The following TPM3 variants were observed in gnomAD, a reference collection of about 807,000 sequenced individuals.
TPM3 encodes the protein tropomyosin alpha-3 chain.
Under a neutral mutation model 43.1 loss-of-function variants are expected in TPM3, and 16 were observed. The ratio of observed to expected loss-of-function variants is 0.37; its 90% CI spans 0.25 to 0.56. TPM3 has a LOEUF of 0.56. Ranked by LOEUF, TPM3 falls within the 20% of genes least tolerant of loss-of-function variation. TPM3 has a pLI of 0.77. For synonymous variants in TPM3, 101 were observed against 116.9 expected, an observed-to-expected ratio of 0.86 and a Z score of 0.88; for missense variants, 176 against 337.2, an observed-to-expected ratio of 0.52 and a Z score of 3.74.
At chr1:154,173,935 G>A (rs1379447999) in intron 3 of TPM3, among the ~76,000 whole-genome samples, 1 of 151,534 alleles carries the variant, frequency 6.6e-6, no homozygotes, top group African/African-American at 2.4e-5. Context: ...AGCCAAGATC[G>A]CACTGCTGCA....
intron 9 of TPM3, among the ~76,000 whole-genome samples, 163 bp from the exon 10 acceptor site, chr1:154,168,103 T>C (rs1163564349): frequency 6.6e-6 from 1 of 152,112 alleles, no homozygotes; most frequent in Non-Finnish European, 1.5e-5. Context: ...TCAGGGTTAG[T>C]GGGAAAGATA....
chr1:154,175,916 G>A (rs571506180), intron 3 of TPM3, among the ~76,000 whole-genome samples, 199 bp downstream of exon 3: 3 of 152,268 alleles, frequency 2.0e-5, no homozygotes, highest in South Asian at 2.1e-4. Flanking sequence ...GTGCAGTGGC[G>A]CAATCAGAGC....
intron 7 of TPM3, 24 bp downstream of exon 7, chr1:154,170,625 G>C (rs1429201656): frequency 1.2e-6 from 2 of 1,610,426 alleles, no homozygotes; most frequent in Non-Finnish European, 1.7e-6. Flanking sequence ...TTTGGGTTCT[G>C]CCCTATAAAT....
At chr1:154,182,594 C>G (rs1047778761) in intron 2 of TPM3, among the ~76,000 whole-genome samples, 1 of 152,110 alleles carries the variant, frequency 6.6e-6, no homozygotes, top group Non-Finnish European at 1.5e-5. Flanking sequence ...CCCACTCTTA[C>G]CCCTTGGGCA....
At position 154,167,385 on chromosome 1, in the gene TPM3, G is replaced by A; in HGVS notation, c.*552C>T. The A allele has an allele frequency of 9.4e-7, 1 of 1,063,152 alleles. No individual in the cohort carries two copies. The highest frequency in any genetic ancestry group is 1.1e-6 in the Non-Finnish European group (1 of 877,650). The allele number at this position is 1,063,152 out of a possible 1,614,324, so 65.9% of individuals were successfully genotyped here. A position where few individuals can be genotyped will look rare whatever the true frequency, so the allele number is the denominator to read the frequency against. Reference sequence around the variant, plus strand: ...TAAAAGGGTACAGAATGTGTATTGAGAGTCACTTCAATGGCTTCTCAATGA... The same window carrying A: ...TAAAAGGGTACAGAATGTGTATTGAAAGTCACTTCAATGGCTTCTCAATGA... On this transcript the variant is annotated 3_prime_UTR_variant, in exon 10 of 10. Transcript: ENST00000651641.
At position 154,167,609 on chromosome 1, in the gene TPM3, A is replaced by G; in HGVS notation, c.*328T>C. 8.2e-7 allele frequency: 1 copy of G among 1,222,940 alleles called. No individual in the cohort carries two copies. The highest frequency in any genetic ancestry group is 1.0e-6 in the Non-Finnish European group (1 of 971,546). 75.8% of individuals were successfully genotyped at this position (1,222,940 alleles called of 1,614,324 possible). On this transcript the variant is annotated 3_prime_UTR_variant, in exon 10 of 10. Coordinates refer to ENST00000651641, the MANE Select transcript of TPM3 (RefSeq NM_152263.4). The stretch of plus-strand genomic sequence containing the variant: ...GTTTAAATGTCAAGAAAAAATAGAC[A>G]CACACAAAAGTGGCTTTGATTACAT...
chr1:154,165,447 T>C lies in TPM3; in HGVS notation c.*2490A>G, dbSNP rs1660834983. Among the ~76,000 whole-genome samples, 1 of 151,978 alleles carries C rather than the reference T, an allele frequency of 6.6e-6. No homozygotes were observed. Among genetic ancestry groups the C allele is most frequent in the East Asian group, 1.9e-4 (1 of 5,142 alleles). On this transcript the variant is annotated 3_prime_UTR_variant, in exon 10 of 10. Coordinates refer to ENST00000651641, the MANE Select transcript of TPM3 (RefSeq NM_152263.4). ...TATTCACTATCCCACAACCCAACTCTGCTTGTCAAAAATCCACTTTTGGAA... is the reference window on the plus strand; with the variant it reads ...TATTCACTATCCCACAACCCAACTCCGCTTGTCAAAAATCCACTTTTGGAA...
rs1442038258 is a variant in TPM3, at chr1:154,174,399, T to TAC, written c.378-1199_378-1198insGT. On this transcript the variant is annotated intron_variant, in intron 3 of 9. Coordinates refer to ENST00000651641, the MANE Select transcript of TPM3 (RefSeq NM_152263.4). ...ATATATATATATATATATATATATA[T>TAC]ATATATATACACACAAAAATCCCAT... 1.3e-4 allele frequency among the ~76,000 whole-genome samples: 15 copies of TAC among 114,440 alleles called. 1 individual carries two copies. Among genetic ancestry groups the TAC allele is most frequent in the South Asian group, 5.6e-4 (2 of 3,546 alleles). The allele number at this position is 114,440 out of a possible 152,430, so 75.1% of individuals were successfully genotyped here. A position where few individuals can be genotyped will look rare whatever the true frequency, so the allele number is the denominator to read the frequency against.
At chr1:154,159,097 AGAG>A (rs748152527), downstream of TPM3, 27 of 778,180 alleles carry the variant, frequency 3.5e-5, no homozygotes, top group African/African-American at 8.5e-5. Context: ...GAGAGGAAAA[AGAG>A]GAGGAGAAAG....
At chr1:154,178,050 T>A (rs1307720746) in intron 2 of TPM3, 1 of 754,880 alleles carries the variant, frequency 1.3e-6, no homozygotes, top group Non-Finnish European at 1.6e-6. Context: ...AACAAGGCCA[T>A]GGATCAAGAG....
In TPM3 at chr1:154,162,384, A is replaced by C. The variant is rs971862292; in HGVS notation, c.*5553T>G. ...CGTCTCAAAAAAAAAAAAAAAAAAA[A>C]ACACAAACCAACCCCATGGAGTTGG... On this transcript the variant is annotated 3_prime_UTR_variant, in exon 10 of 10. Coordinates refer to ENST00000651641, the MANE Select transcript of TPM3 (RefSeq NM_152263.4). Among the ~76,000 whole-genome samples the C allele has an allele frequency of 2.0e-4, 29 of 148,538 alleles. No homozygotes were observed. The highest frequency in any genetic ancestry group is 6.2e-4 in the African/African-American group (25 of 40,236).
intron 5 of TPM3, chr1:154,171,864 A>T: frequency 1.2e-6 from 1 of 812,312 alleles, no homozygotes; most frequent in South Asian, 1.4e-5. Context: ...CTAGGAAAGA[A>T]GAGATGAAAG....
At chr1:154,189,948 G>C (rs1663609293) in intron 2 of TPM3, among the ~76,000 whole-genome samples, 1 of 151,992 alleles carries the variant, frequency 6.6e-6, no homozygotes, top group African/African-American at 2.4e-5. Flanking sequence ...TTATTTTATT[G>C]ACTTATTTTT....
At chr1:154,156,587 A>G (rs755881065), downstream of TPM3, 6 of 200,408 alleles carry the variant, frequency 3.0e-5, no homozygotes, top group Non-Finnish European at 5.1e-5. Flanking sequence ...AGATCAACAA[A>G]CTGCCAGCCC....
In TPM3 at chr1:154,171,414, T is replaced by A; in HGVS notation, c.641A>T (p.Lys214Met). ...NLKSLEAQAEKYSQKEDKYEE... is the reference protein window; with the variant it reads ...NLKSLEAQAEMYSQKEDKYEE... ...TCACTTTCACAAACCAGCCCCTACC[T>A]TCTCCGCCTGAGCCTCAAGAGACTT... The change falls in exon 6 of 10, where the codon AAG becomes ATG. Residue 214 changes from lysine (K) to methionine (M), a missense_variant and splice_region_variant. Coordinates refer to ENST00000651641, the MANE Select transcript of TPM3 (RefSeq NM_152263.4). 1 of 1,614,166 alleles carries A rather than the reference T, an allele frequency of 6.2e-7. No individual in the cohort carries two copies.
intron 3 of TPM3, among the ~76,000 whole-genome samples, chr1:154,175,003 G>C (rs2148252497): frequency 6.6e-6 from 1 of 152,126 alleles, no homozygotes; most frequent in East Asian, 1.9e-4. Flanking sequence ...TTTGTTTCAA[G>C]GGCCATGGTT....
rs1661562814 is a variant in TPM3 at position 154,171,417 on chromosome 1, T to C, written c.638A>G (p.Glu213Gly). The C allele has an allele frequency of 6.2e-7, 1 of 1,614,132 alleles. No homozygotes were observed. Among genetic ancestry groups the C allele is most frequent in the East Asian group, 2.2e-5 (1 of 44,882 alleles). ...NNLKSLEAQA[E>G]KYSQKEDKYE... ...CTTTCACAAACCAGCCCCTACCTTC[T>C]CCGCCTGAGCCTCAAGAGACTTGAG... The change falls in exon 6 of 10, where the codon GAG (glutamate) becomes GGG (glycine). Residue 213 changes from glutamate (E) to glycine (G), a missense_variant. Transcript: ENST00000651641.
chr1:154,176,077 CT>C, intron 3 of TPM3, 37 bp downstream of exon 3: 1 of 1,612,104 alleles, frequency 6.2e-7, no homozygotes, highest in Non-Finnish European at 8.5e-7. Flanking sequence ...CTATTATGAA[CT>C]TTTAAAATCC....
rs1230036144 is a variant in TPM3, at chr1:154,165,422, T to TG, written c.*2514_*2515insC. Among the ~76,000 whole-genome samples the TG allele has an allele frequency of 6.6e-6, 1 of 151,834 alleles. No individual in the cohort carries two copies. The highest frequency in any genetic ancestry group is 1.5e-5 in the Non-Finnish European group (1 of 67,960). ...AATAAATAAATAATGGAATGCTCAA[T>TG]ATTCACTATCCCACAACCCAACTCT... On this transcript the variant is annotated 3_prime_UTR_variant, in exon 10 of 10. Transcript: ENST00000651641.
Sources: gnomAD v4.1 joint callset for allele counts (sites outside exome capture counted in the v4.1 genomes callset) on GRCh38, gnomAD v4.1.1 for gene constraint, MANE v1.5 for transcripts, NCBI Gene and HGNC (gene_info 2026-07-23, HGNC 2026-07-21) for gene names.